The following GSE1 variants were observed in gnomAD, a reference collection of about 807,000 sequenced individuals.
The protein encoded by GSE1 is genetic suppressor element 1.
Under a neutral mutation model 112.6 loss-of-function variants are expected in GSE1, and 32 were observed. The ratio of observed to expected loss-of-function variants is 0.28; its 90% CI spans 0.21 to 0.38. GSE1 has a LOEUF of 0.38. Among genes scored for constraint, GSE1 ranks in the 10% least tolerant of loss-of-function variants. GSE1 has a pLI of 1.00. For missense variants in GSE1, 2,348 were observed against 1,699.2 expected, an observed-to-expected ratio of 1.38 and a Z score of -6.71; for synonymous variants, 1,115 against 735.6, an observed-to-expected ratio of 1.52 and a Z score of -8.35.
chr16:85,221,785 C>T (rs981011637), intron 1 of GSE1, among the ~76,000 whole-genome samples: 55 of 152,242 alleles, frequency 3.6e-4, no homozygotes, highest in Non-Finnish European at 6.2e-4. Context: ...ACCCTGGCAT[C>T]TCGGGGTGGG....
rs1473896751 is a variant in GSE1 at position 85,206,336 on chromosome 16, C to T, written c.2283+34529C>T. On this transcript the variant is annotated intron_variant, in intron 1 of 2. Coordinates refer to the GSE1 transcript ENST00000637419. ...AAGGGTGGGGGCACGGTGGAAGGGT[C>T]TCAGCTGGGGATGGCCGGGCCACAT... Among the ~76,000 whole-genome samples the T allele has an allele frequency of 3.3e-5, 5 of 152,276 alleles. No individual in the cohort carries two copies. In the East Asian group the frequency reaches 7.7e-4, roughly 23 times the overall value.
intron 1 of GSE1, among the ~76,000 whole-genome samples, chr16:85,579,228 G>T (rs2046351997): frequency 1.3e-5 from 2 of 152,106 alleles, no homozygotes; most frequent in African/African-American, 4.8e-5. Context: ...CTCTGGGTGG[G>T]GCTTGGGGTA....
chr16:85,439,636 T>A (rs1597758719), intron 2 of GSE1, among the ~76,000 whole-genome samples: 1 of 151,928 alleles, frequency 6.6e-6, no homozygotes, highest in Non-Finnish European at 1.5e-5. Context: ...GGCCTGCAGG[T>A]CCAGCCTCGC....
chr16:85,478,856 TTTC>T (rs1334930554), intron 2 of GSE1, among the ~76,000 whole-genome samples: 17 of 18,436 alleles, frequency 9.2e-4, no homozygotes, highest in Non-Finnish European at 1.4e-3. Flanking sequence ...TCTTTCTTTC[TTTC>T]TTTCTTTCTT....
chr16:85,502,752 C>G (rs981358448), intron 2 of GSE1, among the ~76,000 whole-genome samples: 2 of 152,214 alleles, frequency 1.3e-5, no homozygotes, highest in African/African-American at 4.8e-5. Context: ...ATCTTGGTGT[C>G]CGTGGAGCCG....
intron 2 of GSE1, among the ~76,000 whole-genome samples, chr16:85,489,213 C>T (rs1381694191): frequency 2.0e-5 from 3 of 152,156 alleles, no homozygotes; most frequent in East Asian, 1.9e-4. Flanking sequence ...TTCTACTGGA[C>T]AGCTCAGGTC....
At chr16:85,351,293 G>A (rs1053285862) in intron 1 of GSE1, among the ~76,000 whole-genome samples, 3 of 152,222 alleles carry the variant, frequency 2.0e-5, no homozygotes, top group South Asian at 2.1e-4. Context: ...CTGGGCTGCT[G>A]TGGGTCCTCA....
chr16:85,216,538 C>G (rs1169769109), intron 1 of GSE1, among the ~76,000 whole-genome samples: 2 of 152,228 alleles, frequency 1.3e-5, no homozygotes, highest in Non-Finnish European at 2.9e-5. Context: ...AAAACTTTAG[C>G]TTACCACACG....
upstream of GSE1, chr16:85,555,930 CT>C (rs2045187765): frequency 1.0e-6 from 1 of 976,850 alleles, no homozygotes; most frequent in Non-Finnish European, 1.2e-6. Flanking sequence ...TCCCCGCCTG[CT>C]TCCCTCCGCC....
chr16:85,548,227 C>CAAAA (rs1241025677), intron 2 of GSE1, among the ~76,000 whole-genome samples: 45 of 69,016 alleles, frequency 6.5e-4, no homozygotes, highest in East Asian at 2.3e-3. Flanking sequence ...GACTCTTTCT[C>CAAAA]AAAAAAAAAA....
At chr16:85,572,793 G>T (rs1031585757) in intron 1 of GSE1, among the ~76,000 whole-genome samples, 4 of 152,208 alleles carry the variant, frequency 2.6e-5, no homozygotes, top group Admixed American at 6.5e-5. Flanking sequence ...TCTGGAAGAG[G>T]TGTGGGGCCT....
upstream of GSE1, among the ~76,000 whole-genome samples, chr16:85,552,318 C>CT (rs1415247732): frequency 0.012 from 1,289 of 108,106 alleles, 77 homozygotes; most frequent in Non-Finnish European, 0.017. Context: ...AACCACCGCA[C>CT]CCGCCCCTCC....
At chr16:85,522,760 C>T (rs534004248) in intron 2 of GSE1, among the ~76,000 whole-genome samples, 4 of 151,988 alleles carry the variant, frequency 2.6e-5, no homozygotes, top group East Asian at 1.9e-4. Flanking sequence ...GTGTGTTGTG[C>T]TGTGTGGTGT....
At chr16:85,261,650 A>G (rs6564112) in intron 1 of GSE1, among the ~76,000 whole-genome samples, 45,712 of 151,956 alleles carry the variant, frequency 0.3, 7,058 homozygotes, top group African/African-American at 0.36. Flanking sequence ...TGGGTTCCCG[A>G]CCATCTTGAG....
Position 85,386,785 on chromosome 16 carries a change from C to A in GSE1, c.2464+29142C>A, listed in dbSNP as rs1355922935. ...CCCGCCATGCTGCCCTCCTGGGACA[C>A]CCCTTCCAGAGGCTTCTCCTGGAGT... On this transcript the variant is annotated intron_variant, in intron 2 of 2. Coordinates refer to the GSE1 transcript ENST00000637419. 5.3e-5 allele frequency among the ~76,000 whole-genome samples: 8 copies of A among 152,220 alleles called. No homozygotes were observed. In the East Asian group the frequency reaches 1.5e-3, roughly 29 times the overall value.
At chr16:85,441,232 C>T (rs1367346442) in intron 2 of GSE1, among the ~76,000 whole-genome samples, 3 of 152,158 alleles carry the variant, frequency 2.0e-5, no homozygotes, top group African/African-American at 7.2e-5. Flanking sequence ...TCTCTGGCCT[C>T]GACCCACCAG....
chr16:85,472,997 C>T (rs984467162), intron 2 of GSE1, among the ~76,000 whole-genome samples: 5 of 152,218 alleles, frequency 3.3e-5, no homozygotes, highest in South Asian at 2.1e-4. Context: ...TGGGCACAGG[C>T]GAGGGAGGCT....
chr16:85,429,222 G>C (rs2049062551), intron 2 of GSE1, among the ~76,000 whole-genome samples: 2 of 152,328 alleles, frequency 1.3e-5, no homozygotes, highest in South Asian at 4.1e-4. Flanking sequence ...CCCAGGACCT[G>C]TGTCCGGAGC....
intron 1 of GSE1, among the ~76,000 whole-genome samples, chr16:85,597,198 C>T (rs1378342900): frequency 2.0e-5 from 3 of 151,532 alleles, no homozygotes; most frequent in South Asian, 2.1e-4. Context: ...AGGCTGGTCT[C>T]GAACTCCTGA....
Sources: gnomAD v4.1 joint callset for allele counts (sites outside exome capture counted in the v4.1 genomes callset) on GRCh38, gnomAD v4.1.1 for gene constraint, MANE v1.5 for transcripts, NCBI Gene and HGNC (gene_info 2026-07-23, HGNC 2026-07-21) for gene names.